Variants in DENND2A observed in about 807,000 individuals in gnomAD.
The protein encoded by DENND2A is DENN domain-containing protein 2A.
A neutral mutation model predicts 105.3 loss-of-function variants in DENND2A; 53 were observed. The ratio of observed to expected loss-of-function variants is 0.50; its 90% CI spans 0.40 to 0.63. DENND2A has a LOEUF of 0.63. Among genes scored for constraint, DENND2A ranks in the 30% least tolerant of loss-of-function variants. The pLI, the probability that DENND2A is intolerant of heterozygous loss-of-function variation, is 0.00. For synonymous variants in DENND2A, 522 were observed against 508.4 expected (o/e 1.03, Z -0.36); for missense variants, 1,138 against 1,279.6 (o/e 0.89, Z 1.69).
Position 140,519,635 on chromosome 7 carries a change from G to T in DENND2A, c.2995C>A (p.Leu999Ile), listed in dbSNP as rs1795781192. ...HSGVNKFLKG[L>I]GNKMKFLHKK ...CACCCAGAGCCCGGGGCCTTACCTA[G>T]TCCCTTCAGGAACTTATTGACACCG... The change falls in exon 19 of 20, where the codon CTA (leucine) becomes ATA (isoleucine). Residue 999 changes from leucine (L) to isoleucine (I), a missense_variant. Leu to Ile is a conservative substitution (Grantham distance 5, BLOSUM62 2). This residue lies in a region of DENND2A where 627 missense variants were observed against 779.8 expected (regional missense o/e 0.80). Coordinates refer to ENST00000496613, the MANE Select transcript of DENND2A (RefSeq NM_015689.5). 1 of 1,613,834 alleles carries T rather than the reference G, an allele frequency of 6.2e-7. No individual in the cohort carries two copies. The highest frequency in any genetic ancestry group is 8.5e-7 in the Non-Finnish European group (1 of 1,179,948).
At chr7:140,554,842 C>T (rs74456849) in intron 12 of DENND2A, among the ~76,000 whole-genome samples, 1,596 of 152,150 alleles carry the variant, frequency 0.01, 28 homozygotes, top group African/African-American at 0.037. Flanking sequence ...GAAAAGAAGA[C>T]CAAATTATAT....
intron 18 of DENND2A, among the ~76,000 whole-genome samples, 193 bp downstream of exon 18, chr7:140,521,662 G>T (rs1795864489): frequency 6.6e-6 from 1 of 152,224 alleles, no homozygotes; most frequent in Non-Finnish European, 1.5e-5. Flanking sequence ...GGAGAGGCTG[G>T]CAGAGGGAAC....
chr7:140,596,415 C>T (rs1230957466), intron 3 of DENND2A, among the ~76,000 whole-genome samples: 1 of 152,170 alleles, frequency 6.6e-6, no homozygotes, highest in Non-Finnish European at 1.5e-5. Flanking sequence ...TCAGGGATGC[C>T]TTGCTGACTG....
chr7:140,529,955 A>AAACAAC (rs968273977), intron 14 of DENND2A, among the ~76,000 whole-genome samples: 1 of 152,052 alleles, frequency 6.6e-6, no homozygotes, highest in African/African-American at 2.4e-5. Flanking sequence ...AAACAAAACA[A>AAACAAC]AACAACAACA....
intron 3 of DENND2A, among the ~76,000 whole-genome samples, chr7:140,591,706 C>T (rs868596894): frequency 1.1e-3 from 116 of 101,794 alleles, no homozygotes; most frequent in African/African-American, 6.3e-3. Context: ...TCCTTCCTTC[C>T]TTCTTTCTCT....
chr7:140,524,196 A>G (rs1285340145), intron 16 of DENND2A, among the ~76,000 whole-genome samples: 1 of 152,188 alleles, frequency 6.6e-6, no homozygotes, highest in Non-Finnish European at 1.5e-5. Flanking sequence ...GATAAAAAAC[A>G]GCATTAATGC....
At chr7:140,620,993 T>G (rs1800268891) in intron 1 of DENND2A, among the ~76,000 whole-genome samples, 1 of 152,172 alleles carries the variant, frequency 6.6e-6, no homozygotes, top group Non-Finnish European at 1.5e-5. Context: ...GGCATAGTAT[T>G]TGGATATAAC....
intron 5 of DENND2A, among the ~76,000 whole-genome samples, chr7:140,584,408 T>C (rs1402958751): frequency 6.6e-6 from 1 of 152,070 alleles, no homozygotes; most frequent in African/African-American, 2.4e-5. Flanking sequence ...CTATGGCCCT[T>C]TAGAGAGAGT....
chr7:140,573,160 A>T (rs1226383525), intron 6 of DENND2A, among the ~76,000 whole-genome samples: 1 of 152,232 alleles, frequency 6.6e-6, no homozygotes, highest in African/African-American at 2.4e-5. Context: ...AAATAAAATG[A>T]GTATGCATTT....
chr7:140,625,590 G>A (rs544370056), intron 1 of DENND2A, among the ~76,000 whole-genome samples: 37 of 152,272 alleles, frequency 2.4e-4, no homozygotes, highest in African/African-American at 6.7e-4. Flanking sequence ...GCTGAGGCAG[G>A]AGAATTGCTT....
intron 1 of DENND2A, among the ~76,000 whole-genome samples, chr7:140,615,357 G>C (rs921629303): frequency 6.6e-6 from 1 of 152,118 alleles, no homozygotes; most frequent in African/African-American, 2.4e-5. Context: ...AACACCGGGG[G>C]ACATATTTGG....
chr7:140,548,967 C>A lies in DENND2A; in HGVS notation c.2038-2028G>T, dbSNP rs537171119. ...GGCATGGTGGCTCCCACCTGTAATCCCAACATTTTGGGAGGCCAAGGCTGG... is the reference window on the plus strand; with the variant it reads ...GGCATGGTGGCTCCCACCTGTAATCACAACATTTTGGGAGGCCAAGGCTGG... On this transcript the variant is annotated intron_variant, in intron 12 of 19. Transcript: ENST00000496613. Among the ~76,000 whole-genome samples, 13 of 151,970 alleles carry A rather than the reference C, an allele frequency of 8.6e-5. No homozygotes were observed. In the South Asian group the frequency reaches 2.7e-3, roughly 32 times the overall value.
chr7:140,601,809 C>A lies in DENND2A; in HGVS notation c.589G>T (p.Ala197Ser). Residue 197 changes from alanine to serine, a missense_variant, in exon 3 of 20, where the codon GCA becomes TCA. By Grantham distance (99) the Ala-to-Ser change is moderately conservative (BLOSUM62 1). Transcript: ENST00000496613. ...AGGTTCTCAGGAAGGGTGGACCCTG[C>A]CTCTGCCTTGTCAGGAGGGCAGTGT... ...SPHCPPDKAE[A>S]GSTLPENLGG... 1 of 1,614,112 alleles carries A rather than the reference C, an allele frequency of 6.2e-7. No homozygotes were observed. Among genetic ancestry groups the A allele is most frequent in the Middle Eastern group, 1.6e-4 (1 of 6,062 alleles).
chr7:140,559,788 T>C lies in DENND2A; in HGVS notation c.1809A>G (p.Glu603=). 6.2e-7 allele frequency: 1 copy of C among 1,614,110 alleles called. No individual in the cohort carries two copies. The highest frequency in any genetic ancestry group is 1.1e-5 in the South Asian group (1 of 91,066). ...GAATGGCCTTCAGTTGGTCCTCAGC[T>C]TCTCTCATGAACTTGAAAGACCTTT... The part of the protein sequence containing the change: ...KLERSFKFMR[E]AEDQLKAIPQ... The change falls in exon 10 of 20, where the codon GAA becomes GAG. Residue 603 remains glutamate (E), a synonymous_variant. Transcript: ENST00000496613. This position sits in a 1 kb window ranked among gnomAD's most constrained non-coding sequence, Gnocchi z 4.1.
chr7:140,539,026 G>A (rs540133365), intron 14 of DENND2A, among the ~76,000 whole-genome samples: 1 of 152,260 alleles, frequency 6.6e-6, no homozygotes, highest in Non-Finnish European at 1.5e-5. Context: ...GTTTCACCAT[G>A]TTGGCCAGGC....
intron 14 of DENND2A, among the ~76,000 whole-genome samples, chr7:140,536,158 G>C (rs1275179383): frequency 1.3e-5 from 2 of 152,104 alleles, no homozygotes; most frequent in African/African-American, 2.4e-5. Flanking sequence ...TTTGAGACCA[G>C]CCTGGCCAAC....
intron 1 of DENND2A, among the ~76,000 whole-genome samples, chr7:140,631,302 T>A (rs1404828876): frequency 3.9e-5 from 6 of 152,134 alleles, no homozygotes; most frequent in Non-Finnish European, 8.8e-5. Context: ...TCTTTCTTGG[T>A]CCCAAAAGGA....
At chr7:140,551,286 C>A (rs1585608418) in intron 12 of DENND2A, among the ~76,000 whole-genome samples, 1 of 102,274 alleles carries the variant, frequency 9.8e-6, no homozygotes, top group Admixed American at 1.6e-4. Context: ...GGCGACAGAG[C>A]AAGACTCCAT....
intron 5 of DENND2A, among the ~76,000 whole-genome samples, chr7:140,579,985 T>A (rs1798471368): frequency 1.3e-5 from 2 of 151,956 alleles, no homozygotes; most frequent in Admixed American, 1.3e-4. Flanking sequence ...TACAAAAAAA[T>A]TAGCTGGGCA....
Sources: gnomAD v4.1 joint callset for allele counts (sites outside exome capture counted in the v4.1 genomes callset) on GRCh38, gnomAD v4.1.1 for gene constraint, gnomAD v4.1.1 regional missense constraint, Gnocchi (gnomAD v3.1) non-coding constraint, MANE v1.5 for transcripts, NCBI Gene and HGNC (gene_info 2026-07-23, HGNC 2026-07-21) for gene names.